AKAP19: variants seen among roughly 807,000 people sequenced by gnomAD.
AKAP19 encodes small A-kinase anchoring protein.
At chr2:190,138,126 A>G in the AKAP19 span, among the ~76,000 whole-genome samples, 1 of 152,232 alleles carries the variant, frequency 6.6e-6, no homozygotes, top group Non-Finnish European at 1.5e-5. Context: ...GGTATGAAAC[A>G]TGCTTCAGAA....
the AKAP19 span, among the ~76,000 whole-genome samples, chr2:190,013,257 G>A: frequency 1.3e-5 from 2 of 152,000 alleles, no homozygotes; most frequent in African/African-American, 2.4e-5. Flanking sequence ...TTCTTTGATC[G>A]GGGACTTTTT....
chr2:189,957,467 G>A, the AKAP19 span, among the ~76,000 whole-genome samples: 1 of 152,126 alleles, frequency 6.6e-6, no homozygotes, highest in Non-Finnish European at 1.5e-5. Context: ...GCCTTTTGTA[G>A]CTCTAAGATT....
At chr2:189,961,673 G>A in the AKAP19 span, among the ~76,000 whole-genome samples, 1 of 152,120 alleles carries the variant, frequency 6.6e-6, no homozygotes, top group Non-Finnish European at 1.5e-5. Context: ...AGCACTTTGG[G>A]AGGCTGAGGT....
chr2:190,016,666 A>G, the AKAP19 span, among the ~76,000 whole-genome samples: 15 of 152,290 alleles, frequency 9.8e-5, no homozygotes, highest in Admixed American at 8.5e-4. Flanking sequence ...TAGGATTTCA[A>G]TTTTCTTAAA....
chr2:190,054,685 C>T, the AKAP19 span, among the ~76,000 whole-genome samples: 1 of 152,148 alleles, frequency 6.6e-6, no homozygotes, highest in Non-Finnish European at 1.5e-5. Flanking sequence ...ACAGACACTT[C>T]TCAAAAGAAG....
At chr2:189,921,085 T>C in the AKAP19 span, among the ~76,000 whole-genome samples, 2 of 152,204 alleles carry the variant, frequency 1.3e-5, no homozygotes, top group Admixed American at 1.3e-4. Flanking sequence ...CAGCGGAATT[T>C]CTGCTAGAAG....
chr2:190,185,094 G>C, the AKAP19 span, among the ~76,000 whole-genome samples: 1 of 152,208 alleles, frequency 6.6e-6, no homozygotes, highest in Non-Finnish European at 1.5e-5. Flanking sequence ...CTATACCAGA[G>C]TAATGATTCT....
the AKAP19 span, among the ~76,000 whole-genome samples, chr2:190,066,439 A>C: frequency 2.0e-5 from 3 of 152,210 alleles, no homozygotes; most frequent in Admixed American, 6.5e-5. Context: ...TAGCACAAGA[A>C]TGAATCATGA....
At chr2:190,116,264 G>C in the AKAP19 span, among the ~76,000 whole-genome samples, 123 of 152,278 alleles carry the variant, frequency 8.1e-4, no homozygotes, top group African/African-American at 2.9e-3. Context: ...TTCTGGAGGT[G>C]GGGAAGTTCA....
the AKAP19 span, among the ~76,000 whole-genome samples, chr2:189,889,966 GCTT>G: frequency 6.6e-6 from 1 of 152,036 alleles, no homozygotes. Flanking sequence ...TCTTCTGCTA[GCTT>G]TTGAATTTGT....
chr2:189,989,821 A>T, the AKAP19 span, among the ~76,000 whole-genome samples: 2 of 152,194 alleles, frequency 1.3e-5, no homozygotes, highest in Non-Finnish European at 1.5e-5. Context: ...GAAGTGCAAG[A>T]GTTGAATAGT....
chr2:190,133,131 G>A, the AKAP19 span, among the ~76,000 whole-genome samples: 23,967 of 150,280 alleles, frequency 0.16, 2,057 homozygotes, highest in Middle Eastern at 0.2. Context: ...CCAGCTACTC[G>A]GGATGCTGAG....
At chr2:190,192,716 G>A in the AKAP19 span, among the ~76,000 whole-genome samples, 1 of 151,998 alleles carries the variant, frequency 6.6e-6, no homozygotes, top group Non-Finnish European at 1.5e-5. Flanking sequence ...CACGTACAAC[G>A]TACACAATAC....
the AKAP19 span, among the ~76,000 whole-genome samples, chr2:190,007,572 G>T: frequency 6.6e-6 from 1 of 152,206 alleles, no homozygotes; most frequent in Non-Finnish European, 1.5e-5. Context: ...TTCATTTAAG[G>T]ACTGTGCCTC....
the AKAP19 span, chr2:189,930,321 A>G: frequency 1.5e-6 from 1 of 656,246 alleles, no homozygotes; most frequent in Non-Finnish European, 2.3e-6. Context: ...GAGGAGGGGC[A>G]CGTGAAGGAT....
At chr2:190,059,403 C>T in the AKAP19 span, among the ~76,000 whole-genome samples, 1 of 151,884 alleles carries the variant, frequency 6.6e-6, no homozygotes, top group African/African-American at 2.4e-5. Context: ...GCTAAGGCAG[C>T]TCAGAAATAA....
chr2:190,123,574 T>C, the AKAP19 span, among the ~76,000 whole-genome samples: 1 of 152,214 alleles, frequency 6.6e-6, no homozygotes, highest in African/African-American at 2.4e-5. Context: ...TGTCAAATTA[T>C]CTCAAATGTA....
chr2:190,133,739 G>A, the AKAP19 span, among the ~76,000 whole-genome samples: 11 of 152,180 alleles, frequency 7.2e-5, no homozygotes, highest in Admixed American at 7.2e-4. Flanking sequence ...GCCAGGCACA[G>A]AAACACAAAA....
At chr2:189,889,521 A>C in the AKAP19 span, among the ~76,000 whole-genome samples, 1 of 152,072 alleles carries the variant, frequency 6.6e-6, no homozygotes, top group Non-Finnish European at 1.5e-5. Context: ...TCCTCTTTGT[A>C]CCTCTGGTAG....
Sources: allele counts gnomAD v4.1 joint callset (sites outside exome capture counted in the v4.1 genomes callset), GRCh38; gene constraint gnomAD v4.1.1; transcripts MANE v1.5; gene names NCBI Gene and HGNC (gene_info 2026-07-23, HGNC 2026-07-21).